Variants in NXNL2 observed in about 807,000 individuals in gnomAD.
The protein encoded by NXNL2 is nucleoredoxin-like protein 2.
In NXNL2, 7 loss-of-function variants were observed where a neutral mutation model predicts 11.1. The ratio of observed to expected loss-of-function variants is 0.63; its 90% CI spans 0.36 to 1.18. The LOEUF (loss-of-function observed/expected upper bound fraction) is 1.18. Ranked by LOEUF, NXNL2 falls within the 50% of genes most tolerant of loss-of-function variation. The pLI is 0.02. For synonymous variants in NXNL2, 109 were observed against 101.8 expected (o/e 1.07, Z -0.42); for missense variants, 233 against 217.7 (o/e 1.07, Z -0.44).
intron 2 of NXNL2, among the ~76,000 whole-genome samples, chr9:88,572,820 C>A (rs1043333500): frequency 2.0e-5 from 3 of 152,196 alleles, no homozygotes; most frequent in African/African-American, 2.4e-5. Flanking sequence ...GGTGAAGAGG[C>A]GCCCAAGACA....
intron 1 of NXNL2, among the ~76,000 whole-genome samples, chr9:88,551,262 T>C (rs1362792335): frequency 1.3e-5 from 2 of 152,204 alleles, no homozygotes; most frequent in Non-Finnish European, 2.9e-5. Flanking sequence ...TTCTGTCTTC[T>C]GTTTGGTTGG....
intron 1 of NXNL2, among the ~76,000 whole-genome samples, chr9:88,559,203 T>A (rs573744773): frequency 8.9e-4 from 135 of 152,246 alleles, no homozygotes; most frequent in African/African-American, 3.2e-3. Flanking sequence ...GCTTGGTGCC[T>A]TTTCTCTGTT....
chr9:88,552,595 C>T lies in NXNL2; in HGVS notation c.302+16859C>T, dbSNP rs186417468. On this transcript the variant is annotated intron_variant, in intron 1 of 2. Coordinates refer to the NXNL2 transcript ENST00000375855. ...ACGCCATTCTCCTGCCTCAGCCTCC[C>T]GAGTAGCTGGGACTACAGGTGCCCA... Among the ~76,000 whole-genome samples the T allele has an allele frequency of 4.8e-3, 723 of 151,800 alleles. 9 individuals are homozygous for T. Among genetic ancestry groups the T allele is most frequent in the African/African-American group, 0.016 (674 of 41,372 alleles).
chr9:88,547,404 AACACACGTAT>A (rs1176180274), downstream of NXNL2, among the ~76,000 whole-genome samples: 5 of 152,116 alleles, frequency 3.3e-5, no homozygotes, highest in Non-Finnish European at 5.9e-5. Flanking sequence ...TCACTGAGAG[AACACACGTAT>A]ACACCACACA....
chr9:88,564,268 GTCTATCTA>G (rs199555225), intron 1 of NXNL2, among the ~76,000 whole-genome samples: 1 of 136,166 alleles, frequency 7.3e-6, no homozygotes, highest in South Asian at 2.4e-4. Context: ...CTATCTATCT[GTCTATCTA>G]TCTATCTATT....
In NXNL2 at chr9:88,571,632, A is replaced by G. The variant is rs551435684; in HGVS notation, c.*16+424A>G. Among the ~76,000 whole-genome samples the G allele has an allele frequency of 7.2e-4, 110 of 152,284 alleles. 1 individual carries two copies. Among genetic ancestry groups the G allele is most frequent in the African/African-American group, 2.2e-3 (91 of 41,560 alleles). On this transcript the variant is annotated intron_variant, in intron 2 of 2. Transcript: ENST00000375855. The stretch of plus-strand genomic sequence containing the variant: ...CTTGTGATTCCACCGTTGCTATGGC[A>G]AGAGCTCCTGTTTCCAAGCAAGGGT...
intron 1 of NXNL2, among the ~76,000 whole-genome samples, chr9:88,566,973 C>CT (rs1554706787): frequency 2.4e-5 from 3 of 123,552 alleles, no homozygotes; most frequent in Non-Finnish European, 4.7e-5. Context: ...TATTATCTAT[C>CT]ATCTATCTAT....
chr9:88,535,832 C>A, intron 1 of NXNL2, 96 bp downstream of exon 1: 4 of 837,124 alleles, frequency 4.8e-6, no homozygotes, highest in Non-Finnish European at 6.8e-6. Context: ...CTTTATGACG[C>A]CCCCCCCCAA....
chr9:88,573,425 T>A (rs1830303712), intron 2 of NXNL2, among the ~76,000 whole-genome samples: 1 of 152,252 alleles, frequency 6.6e-6, no homozygotes, highest in Non-Finnish European at 1.5e-5. Flanking sequence ...ATTACACGCA[T>A]GAGCCACTGT....
chr9:88,568,937 T>A (rs1414417620), intron 1 of NXNL2, among the ~76,000 whole-genome samples: 1 of 152,154 alleles, frequency 6.6e-6, no homozygotes, highest in Non-Finnish European at 1.5e-5. Flanking sequence ...TGATGAATTT[T>A]TTTTTTTCTT....
chr9:88,542,066 TAAAAAAATAC>T (rs1487405700), intron 1 of NXNL2, among the ~76,000 whole-genome samples: 1 of 150,944 alleles, frequency 6.6e-6, no homozygotes, highest in Non-Finnish European at 1.5e-5. Flanking sequence ...CCGTCTCTAC[TAAAAAAATAC>T]AAAAAAATTA....
downstream of NXNL2, among the ~76,000 whole-genome samples, chr9:88,578,923 A>G (rs1175412073): frequency 6.6e-6 from 1 of 152,206 alleles, no homozygotes; most frequent in Non-Finnish European, 1.5e-5. Context: ...TTGGAGAAGT[A>G]GGCGCTGGTG....
Position 88,540,589 on chromosome 9 carries a change from G to A in NXNL2, c.303-3790G>A, listed in dbSNP as rs189421250. Among the ~76,000 whole-genome samples, 4 of 152,338 alleles carry A rather than the reference G, an allele frequency of 2.6e-5. 1 individual carries two copies. Among genetic ancestry groups the A allele is most frequent in the Admixed American group, 2.0e-4 (3 of 15,308 alleles). On this transcript the variant is annotated intron_variant, in intron 1 of 1. Transcript: ENST00000375854. ...TGACTTTCTCAGTTCTGCAAATACA[G>A]TTTTGGCTGAGTGGTCTCTGCTGTG...
rs1264562458 is a variant in NXNL2, at chr9:88,544,904, G to A, written c.*357G>A. The A allele has an allele frequency of 1.0e-6, 1 of 992,564 alleles. No individual in the cohort carries two copies. The highest frequency in any genetic ancestry group is 1.0e-4 in the East Asian group (1 of 9,564). The allele number at this position is 992,564 out of a possible 1,614,324, so 61.5% of individuals were successfully genotyped here. A position where few individuals can be genotyped will look rare whatever the true frequency, so the allele number is the denominator to read the frequency against. Reference sequence around the variant, plus strand: ...AATATATTTATTGATAACATTTTCTGGCGATCTGTTTATTTTAATGGTATG... The same window carrying A: ...AATATATTTATTGATAACATTTTCTAGCGATCTGTTTATTTTAATGGTATG... On this transcript the variant is annotated 3_prime_UTR_variant, in exon 2 of 2. Coordinates refer to ENST00000375854, the MANE Select transcript of NXNL2 (RefSeq NM_001161625.2).
At position 88,535,355 on chromosome 9, in the gene NXNL2, C is replaced by A; in HGVS notation, c.-80C>A. 7.2e-7 allele frequency: 1 copy of A among 1,384,726 alleles called. No homozygotes were observed. Among genetic ancestry groups the A allele is most frequent in the Non-Finnish European group, 9.5e-7 (1 of 1,048,796 alleles). 85.8% of individuals were successfully genotyped at this position (1,384,726 alleles called of 1,614,324 possible). On this transcript the variant is annotated 5_prime_UTR_variant, in exon 1 of 2. Coordinates refer to ENST00000375854, the MANE Select transcript of NXNL2 (RefSeq NM_001161625.2). ...TGGTGCGGACAGAGGCGGGGCACCG[C>A]GGCGCTCGCCGCCGCCTCCCCGCAG...
At chr9:88,536,106 G>A (rs1313476636) in intron 1 of NXNL2, among the ~76,000 whole-genome samples, 1 of 152,190 alleles carries the variant, frequency 6.6e-6, no homozygotes, top group Non-Finnish European at 1.5e-5. Context: ...GGCCCAATCA[G>A]CCCTGGACTC....
At chr9:88,567,619 A>G (rs1272310870) in intron 1 of NXNL2, among the ~76,000 whole-genome samples, 4 of 152,220 alleles carry the variant, frequency 2.6e-5, no homozygotes, top group Non-Finnish European at 5.9e-5. Flanking sequence ...TTGGTGAAAG[A>G]GTAAAAAAAT....
downstream of NXNL2, among the ~76,000 whole-genome samples, chr9:88,546,779 CCTT>C (rs1254124618): frequency 2.0e-5 from 3 of 152,084 alleles, no homozygotes; most frequent in African/African-American, 4.8e-5. Context: ...AGTATTCCAG[CCTT>C]CTTTCCGAGA....
intron 1 of NXNL2, among the ~76,000 whole-genome samples, chr9:88,583,410 G>T (rs1261457771): frequency 2.6e-5 from 4 of 152,148 alleles, no homozygotes; most frequent in Admixed American, 2.0e-4. Flanking sequence ...TTCTTAGGTC[G>T]AGCAGGAATA....
Sources: gnomAD v4.1 joint callset for allele counts (sites outside exome capture counted in the v4.1 genomes callset) on GRCh38, gnomAD v4.1.1 for gene constraint, MANE v1.5 for transcripts, NCBI Gene and HGNC (gene_info 2026-07-23, HGNC 2026-07-21) for gene names.